The following ERP44 variants were observed in gnomAD, a reference collection of about 807,000 sequenced individuals.
The protein encoded by ERP44 is endoplasmic reticulum protein 44, also known as endoplasmic reticulum resident protein 44.
ERP44 carries 25 observed loss-of-function variants against 53.4 expected under a neutral mutation model. That is an observed-to-expected ratio of 0.47 (90% CI 0.34 to 0.65). The LOEUF (loss-of-function observed/expected upper bound fraction) is 0.65, where lower values mean the gene tolerates loss of function less well. ERP44 is among the 30% of genes least tolerant of loss of function. The probability of loss-of-function intolerance (pLI) is 0.01; values close to 1 mark genes in which losing one functional copy is unlikely to be tolerated. For synonymous variants in ERP44, 145 were observed against 161.2 expected (o/e 0.90, Z 0.76); for missense variants, 338 against 493.2 (o/e 0.69, Z 2.98).
intron 1 of ERP44, among the ~76,000 whole-genome samples, chr9:100,088,878 C>T (rs1009214715): frequency 5.3e-5 from 8 of 152,078 alleles, no homozygotes; most frequent in African/African-American, 1.2e-4. Context: ...AGAAATACTT[C>T]GAATATTCCA....
intron 1 of ERP44, among the ~76,000 whole-genome samples, chr9:100,096,147 CAGAAG>C: frequency 6.6e-6 from 1 of 152,218 alleles, no homozygotes; most frequent in Admixed American, 6.5e-5. Context: ...ATCTGAACTA[CAGAAG>C]AGGTTACCTA....
intron 10 of ERP44, chr9:99,998,851 T>G: frequency 7.5e-7 from 1 of 1,326,496 alleles, no homozygotes; most frequent in Non-Finnish European, 1.1e-6. Flanking sequence ...CCAAAATAGG[T>G]GTAGTTCTTC....
chr9:99,998,488 GGCCTCCCTCGGAGCCC>G, intron 10 of ERP44: 1 of 710,328 alleles, frequency 1.4e-6, no homozygotes. Context: ...GTCTCTCCAC[GGCCTCCCTCGGAGCCC>G]CGCTGTCCCG....
chr9:100,059,525 G>T (rs1045473213), intron 2 of ERP44, among the ~76,000 whole-genome samples: 3 of 151,982 alleles, frequency 2.0e-5, no homozygotes, highest in Non-Finnish European at 2.9e-5. Flanking sequence ...GTCTCTACAA[G>T]AAAAATTTAA....
At chr9:100,048,426 T>C (rs907470048) in intron 4 of ERP44, among the ~76,000 whole-genome samples, 13 of 152,150 alleles carry the variant, frequency 8.5e-5, no homozygotes, top group African/African-American at 3.1e-4. Flanking sequence ...AATGAAAATG[T>C]AAAATGATAC....
At chr9:100,041,368 T>G (rs1825899968) in intron 4 of ERP44, among the ~76,000 whole-genome samples, 1 of 152,104 alleles carries the variant, frequency 6.6e-6, no homozygotes, top group Non-Finnish European at 1.5e-5. Flanking sequence ...AGCATGATAC[T>G]GGCATAAAGA....
intron 1 of ERP44, among the ~76,000 whole-genome samples, chr9:100,080,826 G>A (rs545620593): frequency 6.6e-6 from 1 of 152,104 alleles, no homozygotes; most frequent in African/African-American, 2.4e-5. Flanking sequence ...TTGCAAACGT[G>A]GGTACAGGAA....
chr9:100,007,629 T>C lies in ERP44; in HGVS notation c.823A>G (p.Ser275Gly). Residue 275 changes from serine to glycine, a missense_variant, in exon 9 of 12, where the codon AGT (serine) becomes GGT (glycine). Ser to Gly is a moderately conservative substitution (Grantham distance 56). Coordinates refer to ENST00000262455, the MANE Select transcript of ERP44 (RefSeq NM_015051.3). ...ILFHMKEDTE[S>G]LEIFQNEVAR... ...ACTTCATTCTGGAATATTTCTAAACTTTCTGTATCTTCTTTCATGTGAAAG... is the reference window on the plus strand; with the variant it reads ...ACTTCATTCTGGAATATTTCTAAACCTTCTGTATCTTCTTTCATGTGAAAG... 1 of 1,605,624 alleles carries C rather than the reference T, an allele frequency of 6.2e-7. No homozygotes were observed. Among genetic ancestry groups the C allele is most frequent in the African/African-American group, 1.3e-5 (1 of 74,908 alleles).
chr9:100,067,109 G>A (rs1031991126), intron 1 of ERP44, among the ~76,000 whole-genome samples: 41 of 152,170 alleles, frequency 2.7e-4, no homozygotes, highest in Non-Finnish European at 5.7e-4. Context: ...TTTCTGGACA[G>A]AGTGAGAGCC....
intron 6 of ERP44, among the ~76,000 whole-genome samples, chr9:100,019,859 G>C (rs1830567333): frequency 6.6e-6 from 1 of 152,048 alleles, no homozygotes; most frequent in Non-Finnish European, 1.5e-5. Context: ...ACTGTGTAGA[G>C]ACAAGTTTCA....
chr9:99,988,983 A>G (rs571931603), intron 10 of ERP44, among the ~76,000 whole-genome samples: 1 of 152,146 alleles, frequency 6.6e-6, no homozygotes, highest in African/African-American at 2.4e-5. Flanking sequence ...TGGCTGGAGG[A>G]GGGGTGCCTG....
At chr9:100,053,067 T>C (rs1826054713) in intron 3 of ERP44, among the ~76,000 whole-genome samples, 1 of 152,172 alleles carries the variant, frequency 6.6e-6, no homozygotes, top group Non-Finnish European at 1.5e-5. Context: ...TTGTGTAAAA[T>C]ATTTTAACTG....
At position 99,981,227 on chromosome 9, in the gene ERP44, AT is replaced by A; in HGVS notation, c.*1384del. Reference sequence around the variant, plus strand: ...CCTTATCACCTTATTAACATTTATTATTTTGAATAAAACTATGGAAACTTTG... The same window carrying A: ...CCTTATCACCTTATTAACATTTATTATTTGAATAAAACTATGGAAACTTTG... On this transcript the variant is annotated 3_prime_UTR_variant, in exon 12 of 12. Transcript: ENST00000262455. 1 of 152,220 alleles carries A rather than the reference AT, an allele frequency of 6.6e-6. No individual in the cohort carries two copies. The highest frequency in any genetic ancestry group is 1.5e-5 in the Non-Finnish European group (1 of 68,020). 9.4% of individuals were successfully genotyped at this position (152,220 alleles called of 1,614,324 possible).
At chr9:100,013,909 G>A (rs901999694) in intron 8 of ERP44, among the ~76,000 whole-genome samples, 19 of 152,126 alleles carry the variant, frequency 1.2e-4, no homozygotes, top group Non-Finnish European at 2.2e-4. Context: ...TCCACCAATA[G>A]TAGAATGGAT....
chr9:100,083,707 C>T (rs548515537), intron 1 of ERP44, among the ~76,000 whole-genome samples: 83 of 152,212 alleles, frequency 5.5e-4, no homozygotes, highest in Admixed American at 2.2e-3. Flanking sequence ...CCTTTTACAC[C>T]CAGGACTAAT....
At chr9:100,093,644 G>C (rs74529214) in intron 1 of ERP44, among the ~76,000 whole-genome samples, 15 of 147,066 alleles carry the variant, frequency 1.0e-4, no homozygotes, top group East Asian at 7.8e-4. Flanking sequence ...CCCTGTCTGT[G>C]GGGGGGGAAA....
intron 1 of ERP44, among the ~76,000 whole-genome samples, chr9:100,092,640 A>G (rs571153855): frequency 6.6e-6 from 1 of 152,370 alleles, no homozygotes; most frequent in South Asian, 2.1e-4. Context: ...TTGTGAGTAC[A>G]TTCATTCTGA....
chr9:99,998,598 C>T (rs1830341406), intron 10 of ERP44: 1 of 748,272 alleles, frequency 1.3e-6, no homozygotes, highest in South Asian at 1.4e-5. Flanking sequence ...CCGTCATCCA[C>T]ATGCTGTCTT....
At chr9:100,049,427 A>G (rs933100474) in intron 4 of ERP44, among the ~76,000 whole-genome samples, 7 of 152,224 alleles carry the variant, frequency 4.6e-5, no homozygotes, top group African/African-American at 1.7e-4. Context: ...TTTCAATAAG[A>G]AAATAAACAA....
Sources: gnomAD v4.1 joint callset for allele counts (sites outside exome capture counted in the v4.1 genomes callset) on GRCh38, gnomAD v4.1.1 for gene constraint, MANE v1.5 for transcripts, NCBI Gene and HGNC (gene_info 2026-07-23, HGNC 2026-07-21) for gene names.